FGFR2: variants seen among roughly 807,000 people sequenced by gnomAD.
The protein encoded by FGFR2 is fibroblast growth factor receptor 2.
A neutral mutation model predicts 95.9 loss-of-function variants in FGFR2; 19 were observed. The observed-to-expected ratio is 0.20, with a 90% CI of 0.14 to 0.29. The LOEUF is 0.29. Ranked by LOEUF, FGFR2 falls within the 10% of genes least tolerant of loss-of-function variation. The pLI, the probability that FGFR2 is intolerant of heterozygous loss-of-function variation, is 1.00. For synonymous variants in FGFR2, 392 were observed against 393.3 expected, an observed-to-expected ratio of 1.00 and a Z score of 0.04; for missense variants, 707 against 1,056.9, an observed-to-expected ratio of 0.67 and a Z score of 4.59.
chr10:121,560,853 C>T (rs1292373403), intron 4 of FGFR2, among the ~76,000 whole-genome samples: 1 of 152,104 alleles, frequency 6.6e-6, no homozygotes, highest in Non-Finnish European at 1.5e-5. Context: ...CAGTGTGAAT[C>T]AGAATCAGCC....
intron 17 of FGFR2, among the ~76,000 whole-genome samples, chr10:121,481,563 C>T (rs189275786): frequency 4.7e-4 from 72 of 152,230 alleles, no homozygotes; most frequent in African/African-American, 1.6e-3. Flanking sequence ...CAAAAGAGAA[C>T]TTTTTGCTTA....
chr10:121,533,516 G>T (rs920524555), intron 6 of FGFR2, among the ~76,000 whole-genome samples: 2 of 152,202 alleles, frequency 1.3e-5, no homozygotes, highest in Non-Finnish European at 2.9e-5. Context: ...ATACCTGAGG[G>T]TCTCTGGAAA....
Position 121,498,970 on chromosome 10 carries a change from G to A in FGFR2, c.1562-365C>T, listed in dbSNP as rs60404492. On this transcript the variant is annotated intron_variant, in intron 11 of 17. Transcript: ENST00000358487. ...GGTGCCTGAAACCAGCGAGGAGACC[G>A]AGGGTAGGGCCATTTCAAATCACTA... 2.8e-3 allele frequency among the ~76,000 whole-genome samples: 422 copies of A among 152,284 alleles called. 1 individual carries two copies. The highest frequency in any genetic ancestry group is 9.8e-3 in the African/African-American group (407 of 41,534).
chr10:121,549,938 C>A (rs1008447410), intron 5 of FGFR2, among the ~76,000 whole-genome samples: 1 of 152,192 alleles, frequency 6.6e-6, no homozygotes, highest in Non-Finnish European at 1.5e-5. Flanking sequence ...TTGCTTAAAG[C>A]TACCATACCT....
intron 5 of FGFR2, among the ~76,000 whole-genome samples, chr10:121,540,883 A>T (rs534024248): frequency 1.3e-5 from 2 of 152,156 alleles, no homozygotes; most frequent in Non-Finnish European, 2.9e-5. Flanking sequence ...TGGCACATGG[A>T]GTATTCCAAA....
chr10:121,535,596 C>T (rs549969609), intron 6 of FGFR2, among the ~76,000 whole-genome samples: 11 of 152,164 alleles, frequency 7.2e-5, no homozygotes, highest in African/African-American at 2.4e-4. Flanking sequence ...CAATGATGAA[C>T]GATGGTGAAG....
At chr10:121,564,311 C>A in intron 4 of FGFR2, 191 bp downstream of exon 4, 1 of 613,736 alleles carries the variant, frequency 1.6e-6, no homozygotes, top group Non-Finnish European at 2.9e-6. Flanking sequence ...AAAGGACAAA[C>A]GATAGAGAAG....
intron 5 of FGFR2, among the ~76,000 whole-genome samples, chr10:121,546,130 G>C (rs1854475226): frequency 6.7e-6 from 1 of 148,246 alleles, no homozygotes; most frequent in African/African-American, 2.6e-5. Context: ...GCATTAAATT[G>C]CAATAACTGT....
At chr10:121,498,340 A>G (rs919651919) in intron 12 of FGFR2, among the ~76,000 whole-genome samples, 155 bp downstream of exon 12, 4 of 152,206 alleles carry the variant, frequency 2.6e-5, no homozygotes, top group African/African-American at 9.7e-5. Context: ...CTTTGTGTTC[A>G]TGGCTAGGAA....
chr10:121,574,220 T>C (rs1374781251), intron 2 of FGFR2, among the ~76,000 whole-genome samples: 1 of 152,198 alleles, frequency 6.6e-6, no homozygotes, highest in South Asian at 2.1e-4. Flanking sequence ...TCAGAACTTA[T>C]CAGCAGAAAG....
chr10:121,548,857 C>T (rs775139668), intron 5 of FGFR2, among the ~76,000 whole-genome samples: 4 of 152,090 alleles, frequency 2.6e-5, no homozygotes, highest in Non-Finnish European at 5.9e-5. Context: ...TCCTTTCTAA[C>T]CAGCATCCCC....
At chr10:121,523,831 C>A (rs1850906619) in intron 6 of FGFR2, among the ~76,000 whole-genome samples, 1 of 152,204 alleles carries the variant, frequency 6.6e-6, no homozygotes. Context: ...GAGTTTCAAA[C>A]CAAGTCCTCT....
chr10:121,594,220 C>A, intron 1 of FGFR2: 1 of 408,876 alleles, frequency 2.4e-6, no homozygotes, highest in Non-Finnish European at 4.5e-6. Context: ...CTACAGGACT[C>A]AGATACGTGC....
At chr10:121,580,474 T>A (rs956147596) in intron 2 of FGFR2, among the ~76,000 whole-genome samples, 17 of 406 alleles carry the variant, frequency 0.042, no homozygotes, top group Non-Finnish European at 0.064. Context: ...GGCCAGCATC[T>A]CGAAACCCGT....
intron 5 of FGFR2, among the ~76,000 whole-genome samples, 156 bp downstream of exon 5, chr10:121,551,134 C>T (rs924062746): frequency 6.6e-6 from 1 of 151,968 alleles, no homozygotes; most frequent in African/African-American, 2.4e-5. Context: ...GCAGGAGAAT[C>T]GCTTGAACCT....
chr10:121,499,444 A>G (rs1847296969), intron 11 of FGFR2, among the ~76,000 whole-genome samples: 2 of 152,230 alleles, frequency 1.3e-5, no homozygotes, highest in Admixed American at 1.3e-4. Context: ...TGCAAAATTT[A>G]CACTGATGTA....
At chr10:121,526,958 C>T (rs921989999) in intron 6 of FGFR2, 2 of 389,034 alleles carry the variant, frequency 5.1e-6, no homozygotes, top group African/African-American at 2.1e-5. Context: ...GTGAAGTCTG[C>T]GGAACAAACT....
chr10:121,483,095 G>A (rs1371277263), intron 17 of FGFR2, among the ~76,000 whole-genome samples: 1 of 152,104 alleles, frequency 6.6e-6, no homozygotes, highest in East Asian at 1.9e-4. Context: ...AAATATTTTA[G>A]GGAAAATAAA....
At chr10:121,551,219 CA>C (rs199542453) in intron 5 of FGFR2, 70 bp downstream of exon 5, 4,841 of 1,323,954 alleles carry the variant, frequency 3.7e-3, no homozygotes, top group East Asian at 4.2e-3. Flanking sequence ...GACTCCATCG[CA>C]AAAAAAAAAT....
Sources: allele counts gnomAD v4.1 joint callset (sites outside exome capture counted in the v4.1 genomes callset), GRCh38; gene constraint gnomAD v4.1.1; transcripts MANE v1.5; gene names NCBI Gene and HGNC (gene_info 2026-07-23, HGNC 2026-07-21).